Variants in KCNIP4 observed in about 807,000 individuals in gnomAD.
KCNIP4 encodes the protein Kv channel-interacting protein 4.
A neutral mutation model predicts 34.0 loss-of-function variants in KCNIP4; 12 were observed. That is an observed-to-expected ratio of 0.35 (90% CI 0.23 to 0.57). The LOEUF is 0.57. Among genes scored for constraint, KCNIP4 ranks in the 20% least tolerant of loss-of-function variants. KCNIP4 has a pLI of 0.83. For synonymous variants in KCNIP4, 124 were observed against 102.2 expected (o/e 1.21, Z -1.29); for missense variants, 238 against 311.7 (o/e 0.76, Z 1.78).
At chr4:21,690,933 G>T (rs532763417) in intron 1 of KCNIP4, among the ~76,000 whole-genome samples, 16 of 152,258 alleles carry the variant, frequency 1.1e-4, no homozygotes, top group African/African-American at 3.8e-4. Context: ...AGAAATATTT[G>T]AGAGAAGTTT....
chr4:21,354,172 T>C (rs1037034279), intron 1 of KCNIP4, among the ~76,000 whole-genome samples: 1 of 152,054 alleles, frequency 6.6e-6, no homozygotes, highest in Non-Finnish European at 1.5e-5. Flanking sequence ...AAGGAACAAC[T>C]GGTACCAGCC....
intron 1 of KCNIP4, among the ~76,000 whole-genome samples, chr4:21,630,513 A>G (rs1745684791): frequency 6.6e-6 from 1 of 151,232 alleles, no homozygotes; most frequent in Non-Finnish European, 1.5e-5. Context: ...TCATCACCAT[A>G]CTCATGTTCA....
chr4:20,947,503 C>T (rs532299205), intron 1 of KCNIP4, among the ~76,000 whole-genome samples: 9 of 152,292 alleles, frequency 5.9e-5, no homozygotes, highest in African/African-American at 1.7e-4. Context: ...ACCAATCACT[C>T]GTTCTCAGCT....
chr4:21,600,091 T>A (rs970160678), intron 1 of KCNIP4, among the ~76,000 whole-genome samples: 1 of 152,052 alleles, frequency 6.6e-6, no homozygotes, highest in African/African-American at 2.4e-5. Context: ...ATTCCCTTAC[T>A]CCCTCTGCTA....
intron 1 of KCNIP4, among the ~76,000 whole-genome samples, chr4:20,935,605 G>A (rs1294131129): frequency 6.6e-6 from 1 of 152,112 alleles, no homozygotes; most frequent in Non-Finnish European, 1.5e-5. Context: ...AAGAATAATA[G>A]TATCATGTCA....
intron 1 of KCNIP4, among the ~76,000 whole-genome samples, chr4:21,137,199 G>T (rs140660266): frequency 6.6e-6 from 1 of 152,234 alleles, no homozygotes; most frequent in African/African-American, 2.4e-5. Context: ...CAGAATTGTG[G>T]TACCCGACGA....
chr4:20,842,604 A>T lies in KCNIP4; in HGVS notation c.288+7939T>A, dbSNP rs796409249. ...GGCAAAAAAAAAAAAAAAAAAAAAAAAAAAAAGCCAGCAATTGGTTTTAAG... is the reference window on the plus strand; with the variant it reads ...GGCAAAAAAAAAAAAAAAAAAAAAATAAAAAAGCCAGCAATTGGTTTTAAG... On this transcript the variant is annotated intron_variant, in intron 3 of 8. Transcript: ENST00000382152. Among the ~76,000 whole-genome samples the T allele has an allele frequency of 1.9e-4, 28 of 148,090 alleles. No individual in the cohort carries two copies. In the South Asian group the frequency reaches 4.0e-3, roughly 21 times the overall value.
intron 1 of KCNIP4, among the ~76,000 whole-genome samples, chr4:20,983,337 C>G (rs775700675): frequency 1.4e-4 from 21 of 152,168 alleles, no homozygotes; most frequent in Non-Finnish European, 1.5e-4. Flanking sequence ...AATTTCATAT[C>G]AAAAGCTTAC....
At position 20,786,821 on chromosome 4, in the gene KCNIP4, A is replaced by G. The variant is rs371753141; in HGVS notation, c.289-27931T>C. On this transcript the variant is annotated intron_variant, in intron 3 of 8. Coordinates refer to ENST00000382152, the MANE Select transcript of KCNIP4 (RefSeq NM_025221.6). ...AAAGAGAAAACAGTATTAGACTAGAAATTGGGGTAGGATACAGTTCTTTAT... is the reference window on the plus strand; with the variant it reads ...AAAGAGAAAACAGTATTAGACTAGAGATTGGGGTAGGATACAGTTCTTTAT... Among the ~76,000 whole-genome samples, 20 of 140,050 alleles carry G rather than the reference A, an allele frequency of 1.4e-4. No individual in the cohort carries two copies. The East Asian group carries it at 3.7e-3, about 26-fold the overall frequency. 91.9% of individuals were successfully genotyped at this position (140,050 alleles called of 152,430 possible).
rs534532640 is a variant in KCNIP4, at chr4:21,123,117, G to A, written c.62-240408C>T. Among the ~76,000 whole-genome samples, 686 of 152,226 alleles carry A rather than the reference G, an allele frequency of 4.5e-3. 5 individuals carry two copies. Among genetic ancestry groups the A allele is most frequent in the African/African-American group, 0.016 (654 of 41,548 alleles). ...TAGTCCCAGCTACTTGGGAGGCTGA[G>A]GCAGGAGAATGGCGTGAACCTGGAA... On this transcript the variant is annotated intron_variant, in intron 1 of 8. Coordinates refer to ENST00000382152, the MANE Select transcript of KCNIP4 (RefSeq NM_025221.6).
At chr4:21,557,062 TAATATA>T (rs1481188244) in intron 1 of KCNIP4, among the ~76,000 whole-genome samples, 2 of 152,106 alleles carry the variant, frequency 1.3e-5, no homozygotes, top group Non-Finnish European at 2.9e-5. Context: ...CTACCATGTT[TAATATA>T]AATATATGCA....
intron 1 of KCNIP4, among the ~76,000 whole-genome samples, chr4:21,350,508 C>T (rs974338106): frequency 2.6e-5 from 4 of 152,142 alleles, no homozygotes; most frequent in Admixed American, 1.3e-4. Flanking sequence ...TCTTTGCAGA[C>T]TCCAGTATGA....
intron 1 of KCNIP4, among the ~76,000 whole-genome samples, chr4:21,919,910 T>C (rs1246459061): frequency 1.3e-5 from 2 of 152,188 alleles, no homozygotes; most frequent in Admixed American, 6.6e-5. Context: ...AAATCAACCT[T>C]ATAATTGATG....
chr4:21,082,148 C>G (rs1374498181), intron 1 of KCNIP4, among the ~76,000 whole-genome samples: 1 of 151,672 alleles, frequency 6.6e-6, no homozygotes, highest in Non-Finnish European at 1.5e-5. Flanking sequence ...TAAAATTTCT[C>G]TTTTGTTGTG....
intron 1 of KCNIP4, among the ~76,000 whole-genome samples, chr4:21,033,447 T>C (rs1374015604): frequency 6.6e-6 from 1 of 152,210 alleles, no homozygotes; most frequent in African/African-American, 2.4e-5. Context: ...CCTTTAGGGA[T>C]AAAAGGAAAC....
chr4:21,371,282 A>G (rs1192623005), intron 1 of KCNIP4, among the ~76,000 whole-genome samples: 2 of 146,544 alleles, frequency 1.4e-5, no homozygotes, highest in Admixed American at 6.6e-5. Context: ...TGGGATTTGA[A>G]TACATGAGAG....
chr4:21,294,932 TC>T (rs1442340416), intron 1 of KCNIP4, among the ~76,000 whole-genome samples: 1 of 152,216 alleles, frequency 6.6e-6, no homozygotes, highest in African/African-American at 2.4e-5. Context: ...AACATTGTCT[TC>T]TTTTTTTGTG....
intron 1 of KCNIP4, among the ~76,000 whole-genome samples, chr4:21,577,566 G>C (rs527258066): frequency 1.3e-5 from 2 of 152,204 alleles, no homozygotes; most frequent in South Asian, 4.1e-4. Context: ...AGGAGGCGGA[G>C]GTTACAGTGA....
chr4:21,083,143 A>G (rs540134091), intron 1 of KCNIP4, among the ~76,000 whole-genome samples: 1 of 151,744 alleles, frequency 6.6e-6, no homozygotes, highest in Admixed American at 6.6e-5. Context: ...TCTGTTTCTT[A>G]TTCAGACAAA....
Sources: allele counts gnomAD v4.1 joint callset (sites outside exome capture counted in the v4.1 genomes callset), GRCh38; gene constraint gnomAD v4.1.1; transcripts MANE v1.5; gene names NCBI Gene and HGNC (gene_info 2026-07-23, HGNC 2026-07-21).